Variants in SPTLC2 observed in about 807,000 individuals in gnomAD.
SPTLC2 encodes the protein serine palmitoyltransferase 2.
In SPTLC2, 21 loss-of-function variants were observed where a neutral mutation model predicts 62.0. The ratio of observed to expected loss-of-function variants is 0.34; its 90% CI spans 0.24 to 0.49. The LOEUF (loss-of-function observed/expected upper bound fraction) is 0.49, where lower values mean the gene tolerates loss of function less well. SPTLC2 is among the 20% of genes least tolerant of loss of function. SPTLC2 has a pLI of 0.99. For synonymous variants in SPTLC2, 261 were observed against 261.8 expected (o/e 1.00, Z 0.03); for missense variants, 511 against 713.0 (o/e 0.72, Z 3.23).
At chr14:77,529,073 A>T (rs1341350798) in intron 9 of SPTLC2, among the ~76,000 whole-genome samples, 1 of 151,648 alleles carries the variant, frequency 6.6e-6, no homozygotes. Flanking sequence ...TCTGACCTCA[A>T]GTGATCCACC....
At position 77,521,671 on chromosome 14, in the gene SPTLC2, T is replaced by C. The variant is rs1432678991; in HGVS notation, c.1304-90A>G. 33 of 1,189,486 alleles carry C rather than the reference T, an allele frequency of 2.8e-5. 1 individual carries two copies. The highest frequency in any genetic ancestry group is 4.1e-5 in the Non-Finnish European group (33 of 810,890). The allele number at this position is 1,189,486 out of a possible 1,614,324, so 73.7% of individuals were successfully genotyped here. On this transcript the variant is annotated intron_variant, in intron 9 of 11. Coordinates refer to ENST00000216484, the MANE Select transcript of SPTLC2 (RefSeq NM_004863.4). ...AAATCTCCTCTATCTCCATTCTATC[T>C]AATCAGTTCTGTTTCGTTTTTTTCC...
chr14:77,595,314 G>A (rs1034652904), intron 2 of SPTLC2, among the ~76,000 whole-genome samples: 5 of 151,318 alleles, frequency 3.3e-5, no homozygotes, highest in Non-Finnish European at 5.9e-5. Flanking sequence ...GCAGTGAGCC[G>A]AGATCACACC....
At chr14:77,558,685 G>A (rs2079598807) in intron 6 of SPTLC2, among the ~76,000 whole-genome samples, 2 of 149,416 alleles carry the variant, frequency 1.3e-5, no homozygotes, top group Admixed American at 1.3e-4. Flanking sequence ...GCAGTGGCGT[G>A]ATCTCTGCTC....
At position 77,521,429 on chromosome 14, in the gene SPTLC2, T is replaced by C. The variant is rs761569922; in HGVS notation, c.1439+17A>G. The stretch of plus-strand genomic sequence containing the variant: ...AGGATAAGGACAGACTGGTCTGTGA[T>C]CTGCAACAAAACGTACCCAATTTTG... On this transcript the variant is annotated intron_variant, in intron 10 of 11. Transcript: ENST00000216484. The C allele has an allele frequency of 1.5e-5, 24 of 1,614,050 alleles. No individual in the cohort carries two copies. The highest frequency in any genetic ancestry group is 1.9e-5 in the Non-Finnish European group (22 of 1,180,034).
chr14:77,579,016 C>A lies in SPTLC2; in HGVS notation c.421G>T (p.Val141Leu), dbSNP rs1392131607. 1 of 1,614,110 alleles carries A rather than the reference C, an allele frequency of 6.2e-7. No homozygotes were observed. Among genetic ancestry groups the A allele is most frequent in the Non-Finnish European group, 8.5e-7 (1 of 1,180,014 alleles). The change falls in exon 3 of 12, where the codon GTG (valine) becomes TTG (leucine). Residue 141 changes from valine (V) to leucine (L), a missense_variant. Val to Leu is a conservative substitution (Grantham distance 32). Transcript: ENST00000216484. ...RDNWNRPICS[V>L]PGARVDIMER... The stretch of plus-strand genomic sequence containing the variant: ...ATGATGTCCACCCTGGCTCCAGGCA[C>A]ACTACAGATTGGCCGATTCCAGTTG...
chr14:77,546,548 C>G (rs1027818538), intron 9 of SPTLC2, among the ~76,000 whole-genome samples: 1 of 152,026 alleles, frequency 6.6e-6, no homozygotes, highest in Non-Finnish European at 1.5e-5. Context: ...AAAAGACAAG[C>G]TGAACAAAGG....
At chr14:77,550,978 T>C (rs36063635) in intron 9 of SPTLC2, among the ~76,000 whole-genome samples, 62,653 of 151,148 alleles carry the variant, frequency 0.41, 14,210 homozygotes, top group East Asian at 0.87. Context: ...GATGTGCCAC[T>C]TTATTCGATG....
chr14:77,571,451 G>GTGAGC (rs1028117262), intron 4 of SPTLC2, among the ~76,000 whole-genome samples: 3 of 150,232 alleles, frequency 2.0e-5, no homozygotes, highest in African/African-American at 7.4e-5. Context: ...AGAGGTTGCA[G>GTGAGC]TGAGCTGAGA....
In SPTLC2 at chr14:77,562,502, AG is replaced by A. The variant is rs776135010; in HGVS notation, c.757-14del. On this transcript the variant is annotated splice_polypyrimidine_tract_variant and intron_variant, in intron 5 of 11. Coordinates refer to ENST00000216484, the MANE Select transcript of SPTLC2 (RefSeq NM_004863.4). The stretch of plus-strand genomic sequence containing the variant: ...GAATCAGGCAACCCTGCAACATCAC[AG>A]GAACAGAAAGGTAAGAAGCTGGAGG... The A allele has an allele frequency of 8.7e-6, 14 of 1,608,976 alleles. No homozygotes were observed. The Admixed American group carries it at 2.2e-4, about 25-fold the overall frequency.
At chr14:77,523,792 C>T (rs1044506149) in intron 9 of SPTLC2, among the ~76,000 whole-genome samples, 76 of 152,170 alleles carry the variant, frequency 5.0e-4, no homozygotes, top group Non-Finnish European at 5.0e-4. Flanking sequence ...CCCACCCTAA[C>T]CTTAAAAGCA....
chr14:77,616,536 C>T lies in SPTLC2; in HGVS notation c.44G>A (p.Arg15Gln), dbSNP rs1164824967. The T allele has an allele frequency of 3.3e-6, 5 of 1,535,552 alleles. No homozygotes were observed. Among genetic ancestry groups the T allele is most frequent in the Non-Finnish European group, 3.5e-6 (4 of 1,146,532 alleles). ...CCCGTTCGCCACGCAGCCATTCGCCCGCACCGTGCGGCGGCAGCAGCAGCC... is the reference window on the plus strand; with the variant it reads ...CCCGTTCGCCACGCAGCCATTCGCCTGCACCGTGCGGCGGCAGCAGCAGCC... Reference protein sequence around the residue: ...PGGCCCRRTVRANGCVANGEV... With the variant: ...PGGCCCRRTVQANGCVANGEV... The change falls in exon 1 of 12, where the codon CGG becomes CAG. Residue 15 changes from arginine to glutamine, a missense_variant. Physicochemically the swap from Arg to Gln is conservative, Grantham distance 43 (BLOSUM62 1). Transcript: ENST00000216484.
intron 9 of SPTLC2, among the ~76,000 whole-genome samples, chr14:77,537,224 C>A (rs1351911559): frequency 6.6e-6 from 1 of 151,062 alleles, no homozygotes; most frequent in East Asian, 1.9e-4. Flanking sequence ...GGCCTATGTA[C>A]TTCTTATCTT....
chr14:77,541,815 GGGAGGCCAAGGCGGGT>G (rs1412519755), intron 9 of SPTLC2, among the ~76,000 whole-genome samples: 4 of 152,132 alleles, frequency 2.6e-5, no homozygotes, highest in African/African-American at 9.7e-5. Context: ...CCAGTGCTTT[GGGAGGCCAAGGCGGGT>G]GGATCACCTG....
chr14:77,519,050 T>TG (rs755757891), intron 10 of SPTLC2, among the ~76,000 whole-genome samples: 5 of 152,222 alleles, frequency 3.3e-5, no homozygotes, highest in Non-Finnish European at 7.3e-5. Flanking sequence ...CTAAATTATG[T>TG]GGGTTTTTTT....
chr14:77,616,096 C>G (rs176907), intron 1 of SPTLC2, among the ~76,000 whole-genome samples: 76,692 of 152,088 alleles, frequency 0.5, 19,769 homozygotes, highest in East Asian at 0.67. Context: ...AGGGACCCTC[C>G]GGAGCCCTTG....
intron 2 of SPTLC2, among the ~76,000 whole-genome samples, chr14:77,583,014 A>G (rs111833874): frequency 6.6e-4 from 100 of 152,172 alleles, no homozygotes; most frequent in African/African-American, 2.3e-3. Context: ...AGCCTGGGCA[A>G]TGTAGTGAAA....
chr14:77,571,978 A>G (rs1407784858), intron 4 of SPTLC2, among the ~76,000 whole-genome samples: 1 of 151,944 alleles, frequency 6.6e-6, no homozygotes, highest in African/African-American at 2.4e-5. Context: ...TAGTAGAGAC[A>G]GGTTTCACCA....
chr14:77,523,487 G>A (rs2139996151), intron 9 of SPTLC2, among the ~76,000 whole-genome samples: 1 of 152,282 alleles, frequency 6.6e-6, no homozygotes, highest in African/African-American at 2.4e-5. Context: ...GAGGTGGGGT[G>A]CGATGAGAGA....
At chr14:77,575,575 G>A (rs997477803) in intron 4 of SPTLC2, among the ~76,000 whole-genome samples, 1 of 152,138 alleles carries the variant, frequency 6.6e-6, no homozygotes, top group African/African-American at 2.4e-5. Context: ...ACTCTGTCAT[G>A]GGCTAGGGTG....
Sources: gnomAD v4.1 joint callset for allele counts (sites outside exome capture counted in the v4.1 genomes callset) on GRCh38, gnomAD v4.1.1 for gene constraint, MANE v1.5 for transcripts, NCBI Gene and HGNC (gene_info 2026-07-23, HGNC 2026-07-21) for gene names.